PYROXD1: variants seen among roughly 807,000 people sequenced by gnomAD.
The protein encoded by PYROXD1 is tRNA ligase complex-associated NAD(P)H dehydrogenase PYROXD1.
Under a neutral mutation model 62.0 loss-of-function variants are expected in PYROXD1, and 42 were observed. The ratio of observed to expected loss-of-function variants is 0.68; its 90% CI spans 0.53 to 0.88. The LOEUF (loss-of-function observed/expected upper bound fraction) is 0.88, where lower values mean the gene tolerates loss of function less well. Among genes scored for constraint, PYROXD1 ranks in the 40% least tolerant of loss-of-function variants. The probability of loss-of-function intolerance (pLI) is 0.00; values close to 1 mark genes in which losing one functional copy is unlikely to be tolerated. For missense variants in PYROXD1, 493 were observed against 604.8 expected, an observed-to-expected ratio of 0.82 and a Z score of 1.94; for synonymous variants, 170 against 206.4, an observed-to-expected ratio of 0.82 and a Z score of 1.51.
At position 21,470,306 on chromosome 12, in the gene PYROXD1, T is replaced by C. The variant is rs763815034; in HGVS notation, c.*1552T>C. The C allele has an allele frequency of 4.4e-6, 7 of 1,604,536 alleles. No individual in the cohort carries two copies. The highest frequency in any genetic ancestry group is 6.0e-6 in the Non-Finnish European group (7 of 1,175,982). Reference sequence around the variant, plus strand: ...GCCTGAATTTTTTTCCTCCATCTTTTTATCACCTTGTTCAGAATGACAAGT... The same window carrying C: ...GCCTGAATTTTTTTCCTCCATCTTTCTATCACCTTGTTCAGAATGACAAGT... On this transcript the variant is annotated 3_prime_UTR_variant, in exon 12 of 12. Transcript: ENST00000240651.
Position 21,470,612 on chromosome 12 carries a change from T to C in PYROXD1, c.*1858T>C, listed in dbSNP as rs1274517487. On this transcript the variant is annotated 3_prime_UTR_variant, in exon 12 of 12. Transcript: ENST00000240651. ...ACTTGACATGCTTTTGCAGACTTGA[T>C]AGTATTTGGTTTAAAACAGTGGTTT... The C allele has an allele frequency of 2.7e-6, 1 of 368,534 alleles. No individual in the cohort carries two copies. The highest frequency in any genetic ancestry group is 2.1e-5 in the African/African-American group (1 of 47,138). 22.8% of individuals were successfully genotyped at this position (368,534 alleles called of 1,614,324 possible).
chr12:21,462,578 A>G (rs1010885128), intron 9 of PYROXD1, among the ~76,000 whole-genome samples, 162 bp from the exon 10 acceptor site: 1 of 152,214 alleles, frequency 6.6e-6, no homozygotes, highest in African/African-American at 2.4e-5. Flanking sequence ...AATTTGATCC[A>G]TGGAAATTCA....
At chr12:21,467,679 CAT>C in intron 11 of PYROXD1, 61 bp downstream of exon 11, 3 of 1,259,650 alleles carry the variant, frequency 2.4e-6, no homozygotes, top group Non-Finnish European at 3.3e-6. Context: ...TATGATAAAT[CAT>C]GTGATTTTCT....
intron 2 of PYROXD1, among the ~76,000 whole-genome samples, chr12:21,444,392 C>T (rs1942348910): frequency 6.6e-6 from 1 of 152,138 alleles, no homozygotes; most frequent in Admixed American, 6.5e-5. Flanking sequence ...CAAAAAGTCA[C>T]TAGTGCTTAT....
At position 21,461,137 on chromosome 12, in the gene PYROXD1, C is replaced by G; in HGVS notation, c.863C>G (p.Ser288Ter). The G allele has an allele frequency of 6.4e-7, 1 of 1,557,380 alleles. No individual in the cohort carries two copies. The highest frequency in any genetic ancestry group is 8.7e-7 in the Non-Finnish European group (1 of 1,154,514). The part of the protein sequence containing the change: ...KSFTFPRDHK[S>*]VTADTEMWPV... ...TTCACTTTTCCAAGAGACCATAAGT[C>G]AGTTACAGCTGATACAGGCAAGTAA... The change falls in exon 8 of 12, where the codon TCA becomes TGA. Residue 288 changes from serine to a stop codon, truncating the protein, a stop_gained. Transcript: ENST00000240651. LOFTEE classifies it high-confidence loss of function.
chr12:21,469,828 G>T lies in PYROXD1; in HGVS notation c.*1074G>T, dbSNP rs967158581. Reference sequence around the variant, plus strand: ...CATATTTAACTTAAAGTATCACTCAGTGAGCCTCTGTCAGTATAATATTGC... The same window carrying T: ...CATATTTAACTTAAAGTATCACTCATTGAGCCTCTGTCAGTATAATATTGC... On this transcript the variant is annotated 3_prime_UTR_variant, in exon 12 of 12. Transcript: ENST00000240651. 5.2e-5 allele frequency: 9 copies of T among 171,766 alleles called. No individual in the cohort carries two copies. The highest frequency in any genetic ancestry group is 1.3e-4 in the South Asian group (1 of 7,560). 10.6% of individuals were successfully genotyped at this position (171,766 alleles called of 1,614,324 possible).
chr12:21,455,325 A>G (rs891286692), intron 6 of PYROXD1, 33 bp downstream of exon 6: 1 of 1,355,802 alleles, frequency 7.4e-7, no homozygotes. Context: ...TAATTCTCAT[A>G]CAAAACTTTT....
At chr12:21,464,570 T>G (rs1451237529) in intron 10 of PYROXD1, among the ~76,000 whole-genome samples, 1 of 152,094 alleles carries the variant, frequency 6.6e-6, no homozygotes, top group African/African-American at 2.4e-5. Context: ...GGAAACCAAG[T>G]GCTTATTATA....
chr12:21,440,372 C>T lies in PYROXD1; in HGVS notation c.89C>T (p.Ala30Val). Residue 30 changes from alanine (A) to valine (V), a missense_variant, in exon 2 of 12, where the codon GCT (alanine) becomes GTT (valine). Ala to Val is a moderately conservative substitution (Grantham distance 64). Around this residue, in one of 2 missense-constraint regions of PYROXD1, gnomAD observed 164 missense variants for 158.2 expected, o/e 1.04. Coordinates refer to ENST00000240651, the MANE Select transcript of PYROXD1 (RefSeq NM_024854.5). ...TTCTCTCTTTTTAAAAATAAGTTGG[C>T]TACTCACTTTCCATCGGAAGATATT... is the stretch of plus-strand genomic sequence containing the variant. ...IAGVTCAEQL[A>V]THFPSEDILL... 1.3e-6 allele frequency: 2 copies of T among 1,578,806 alleles called. No individual in the cohort carries two copies. The highest frequency in any genetic ancestry group is 1.7e-4 in the Middle Eastern group (1 of 5,952).
chr12:21,437,944 A>G (rs1289761140), intron 1 of PYROXD1, 130 bp downstream of exon 1: 2 of 795,078 alleles, frequency 2.5e-6, no homozygotes, highest in Non-Finnish European at 2.0e-6. Flanking sequence ...TTCCGCACTT[A>G]TTGCTCCCAG....
intron 2 of PYROXD1, among the ~76,000 whole-genome samples, chr12:21,443,969 T>G (rs1314922188): frequency 6.6e-6 from 1 of 152,212 alleles, no homozygotes; most frequent in Non-Finnish European, 1.5e-5. Context: ...AAGCTAAGAC[T>G]GTATACATAA....
chr12:21,463,709 A>G (rs1221004185), intron 10 of PYROXD1, among the ~76,000 whole-genome samples: 2 of 143,540 alleles, frequency 1.4e-5, no homozygotes, highest in African/African-American at 5.1e-5. Context: ...AAAAAAAAAA[A>G]TTCCTGTAGT....
Position 21,468,953 on chromosome 12 carries a change from CCAATA to C in PYROXD1, c.*203_*207del. On this transcript the variant is annotated 3_prime_UTR_variant, in exon 12 of 12. Coordinates refer to ENST00000240651, the MANE Select transcript of PYROXD1 (RefSeq NM_024854.5). ...AAAGTTTATTTATAGATATATCTTT[CCAATA>C]CAACACTGACCGCTTAGATAAAAAT... 1 of 519,310 alleles carries C rather than the reference CCAATA, an allele frequency of 1.9e-6. No individual in the cohort carries two copies. Among genetic ancestry groups the C allele is most frequent in the Non-Finnish European group, 3.3e-6 (1 of 299,924 alleles). 32.2% of individuals were successfully genotyped at this position (519,310 alleles called of 1,614,324 possible). A position where few individuals can be genotyped will look rare whatever the true frequency, so the allele number is the denominator to read the frequency against.
intron 5 of PYROXD1, among the ~76,000 whole-genome samples, chr12:21,452,812 A>G (rs1378012319): frequency 6.6e-6 from 1 of 152,116 alleles, no homozygotes; most frequent in East Asian, 1.9e-4. Context: ...TTTTCAGGCC[A>G]TAAAGTTGAG....
intron 7 of PYROXD1, among the ~76,000 whole-genome samples, chr12:21,458,306 G>A (rs932096515): frequency 3.9e-5 from 6 of 152,136 alleles, no homozygotes; most frequent in African/African-American, 1.4e-4. Context: ...TTACAGAATT[G>A]AAAACAGTTA....
intron 10 of PYROXD1, among the ~76,000 whole-genome samples, chr12:21,466,291 A>G (rs1942792161): frequency 6.6e-6 from 1 of 150,414 alleles, no homozygotes; most frequent in South Asian, 2.1e-4. Context: ...GATTCTTCCT[A>G]CCCATGAGCA....
chr12:21,449,962 A>G (rs2137257633), intron 4 of PYROXD1, among the ~76,000 whole-genome samples: 1 of 147,588 alleles, frequency 6.8e-6, no homozygotes, highest in Admixed American at 6.8e-5. Context: ...GTTTCACGCC[A>G]TTCTCCTGCC....
Position 21,437,816 on chromosome 12 carries a change from T to C in PYROXD1, c.84+2T>C. On this transcript the variant is annotated splice_donor_variant, in intron 1 of 11. Transcript: ENST00000240651. LOFTEE classifies it high-confidence loss of function. ...GCGGGCGTCACTTGTGCGGAGCAGG[T>C]AGGGCGGTGCTCAGGCGGTTCCGCC... The C allele has an allele frequency of 6.2e-7, 1 of 1,611,706 alleles. No homozygotes were observed. The highest frequency in any genetic ancestry group is 8.5e-7 in the Non-Finnish European group (1 of 1,179,184).
rs1244597253 is a variant in PYROXD1 at position 21,445,423 on chromosome 12, A to G, written c.242A>G (p.Lys81Arg). 7 of 1,607,356 alleles carry G rather than the reference A, an allele frequency of 4.4e-6. No individual in the cohort carries two copies. Among genetic ancestry groups the G allele is most frequent in the Non-Finnish European group, 5.1e-6 (6 of 1,178,158 alleles). Residue 81 changes from lysine to arginine, a missense_variant, in exon 3 of 12, where the codon AAG (lysine) becomes AGG (arginine). This residue lies in a region of PYROXD1 where 164 missense variants were observed against 158.2 expected (regional missense o/e 1.04). Coordinates refer to ENST00000240651, the MANE Select transcript of PYROXD1 (RefSeq NM_024854.5). Reference sequence around the variant, plus strand: ...TTAGGAAAACGCTTTCCCAACATTAAGGTTATAGAATCTGGCGTAAAGCAA... The same window carrying G: ...TTAGGAAAACGCTTTCCCAACATTAGGGTTATAGAATCTGGCGTAAAGCAA... ...TMLGKRFPNI[K>R]VIESGVKQLK...
Sources: gnomAD v4.1 joint callset for allele counts (sites outside exome capture counted in the v4.1 genomes callset) on GRCh38, gnomAD v4.1.1 for gene constraint, gnomAD v4.1.1 regional missense constraint, MANE v1.5 for transcripts, NCBI Gene and HGNC (gene_info 2026-07-23, HGNC 2026-07-21) for gene names.